The following VWA8 variants were observed in gnomAD, a reference collection of about 807,000 sequenced individuals.
The protein encoded by VWA8 is von Willebrand factor A domain containing 8.
A neutral mutation model predicts 241.5 loss-of-function variants in VWA8; 221 were observed. That is an observed-to-expected ratio of 0.91 (90% CI 0.82 to 1.02). The LOEUF is 1.02. Among genes scored for constraint, VWA8 ranks in the 50% least tolerant of loss-of-function variants. The probability of loss-of-function intolerance (pLI) is 0.00; values close to 1 mark genes in which losing one functional copy is unlikely to be tolerated. For missense variants in VWA8, 2,322 were observed against 2,328.7 expected (o/e 1.00, Z 0.06); for synonymous variants, 852 against 827.1 (o/e 1.03, Z -0.52).
At chr13:41,631,405 A>C (rs1182372308) in intron 37 of VWA8, among the ~76,000 whole-genome samples, 1 of 151,904 alleles carries the variant, frequency 6.6e-6, no homozygotes, top group Non-Finnish European at 1.5e-5. Flanking sequence ...CCTCAGCTTG[A>C]CTTTGACCCC....
At position 41,907,571 on chromosome 13, in the gene VWA8, T is replaced by C. The variant is rs1204926738; in HGVS notation, c.483+15A>G. On this transcript the variant is annotated intron_variant, in intron 4 of 44. Coordinates refer to ENST00000379310, the MANE Select transcript of VWA8 (RefSeq NM_015058.2). ...TGGAGTACACAGTCATGGGCTAGAG[T>C]GTGACAGAACTTGCCTGATCAATGT... 6.2e-7 allele frequency: 1 copy of C among 1,610,384 alleles called. No homozygotes were observed. The highest frequency in any genetic ancestry group is 1.7e-5 in the Admixed American group (1 of 60,008).
intron 4 of VWA8, among the ~76,000 whole-genome samples, chr13:41,903,160 A>G (rs1875538955): frequency 2.0e-5 from 3 of 152,370 alleles, no homozygotes; most frequent in South Asian, 4.1e-4. Context: ...TCATCTATCT[A>G]GAATTCAAAT....
chr13:41,602,973 C>T lies in VWA8; in HGVS notation c.4986+2195G>A, dbSNP rs543065576. Among the ~76,000 whole-genome samples the T allele has an allele frequency of 7.9e-5, 12 of 152,218 alleles. No homozygotes were observed. The East Asian group carries it at 1.9e-3, about 25-fold the overall frequency. The stretch of plus-strand genomic sequence containing the variant: ...TCAAGGATTAAATTGCTTTTATCTT[C>T]TTTCCTATATCTTAAAACTCTTTCT... On this transcript the variant is annotated intron_variant, in intron 40 of 44. Transcript: ENST00000379310.
chr13:41,829,926 T>C (rs1871357309), intron 14 of VWA8, among the ~76,000 whole-genome samples: 1 of 151,974 alleles, frequency 6.6e-6, no homozygotes, highest in African/African-American at 2.4e-5. Context: ...CCAAAAACTA[T>C]TGAAATAAAA....
intron 34 of VWA8, 98 bp from the exon 35 acceptor site, chr13:41,685,340 T>C (rs1323271533): frequency 8.9e-7 from 1 of 1,123,460 alleles, no homozygotes. Context: ...AGTGGGAAAC[T>C]AATGTTTCAC....
chr13:41,857,095 T>G lies in VWA8; in HGVS notation c.1425+8641A>C, dbSNP rs572967990. On this transcript the variant is annotated intron_variant, in intron 12 of 44. Coordinates refer to ENST00000379310, the MANE Select transcript of VWA8 (RefSeq NM_015058.2). ...TATCAAGAGGCTTTCAATTCTCTTT[T>G]GAAGCTGGAAAATACGGATAACAAA... is the stretch of plus-strand genomic sequence containing the variant. Among the ~76,000 whole-genome samples, 12 of 152,312 alleles carry G rather than the reference T, an allele frequency of 7.9e-5. No individual in the cohort carries two copies. The East Asian group carries it at 2.3e-3, about 29-fold the overall frequency.
chr13:41,791,303 T>C (rs1445268305), intron 17 of VWA8, among the ~76,000 whole-genome samples: 5 of 151,764 alleles, frequency 3.3e-5, no homozygotes, highest in African/African-American at 1.2e-4. Flanking sequence ...GGTCATGGAG[T>C]GATTACAAAA....
At chr13:41,874,891 C>A (rs960418028) in intron 9 of VWA8, among the ~76,000 whole-genome samples, 1 of 152,056 alleles carries the variant, frequency 6.6e-6, no homozygotes, top group Non-Finnish European at 1.5e-5. Context: ...AATCTGAGCC[C>A]ATTTACCACC....
chr13:41,732,283 C>CA (rs538704604), intron 21 of VWA8, 128 bp from the exon 22 acceptor site: 9,468 of 547,218 alleles, frequency 0.017, no homozygotes, highest in South Asian at 0.02. Flanking sequence ...CTTCCCCCAC[C>CA]AAAAAAAAAC....
chr13:41,818,529 C>T (rs1358765998), intron 15 of VWA8, among the ~76,000 whole-genome samples: 3 of 151,986 alleles, frequency 2.0e-5, no homozygotes, highest in African/African-American at 7.2e-5. Context: ...GATCACACCA[C>T]TCCAGCGTGG....
intron 37 of VWA8, among the ~76,000 whole-genome samples, chr13:41,630,819 C>T (rs2044721387): frequency 1.3e-5 from 2 of 152,174 alleles, no homozygotes; most frequent in South Asian, 4.2e-4. Context: ...ATACATATAG[C>T]CTTGTACATA....
chr13:41,709,413 C>T (rs1041743503), intron 26 of VWA8, among the ~76,000 whole-genome samples: 12 of 152,156 alleles, frequency 7.9e-5, no homozygotes, highest in African/African-American at 2.4e-5. Flanking sequence ...TTAGGTTCAC[C>T]GCCTTTCAGT....
rs186140625 is a variant in VWA8, at chr13:41,704,015, C to T, written c.3117-604G>A. ...CCTCAGGTGATCTGCCCGCCTTGGC[C>T]TCCCAAAGTGCTGGGATTACAGGCA... On this transcript the variant is annotated intron_variant, in intron 26 of 44. Transcript: ENST00000379310. Among the ~76,000 whole-genome samples the T allele has an allele frequency of 2.9e-3, 436 of 152,154 alleles. 3 individuals carry two copies. Among genetic ancestry groups the T allele is most frequent in the African/African-American group, 0.01 (419 of 41,500 alleles).
intron 9 of VWA8, among the ~76,000 whole-genome samples, chr13:41,872,034 A>C (rs1421830157): frequency 6.6e-6 from 1 of 152,106 alleles, no homozygotes; most frequent in Non-Finnish European, 1.5e-5. Flanking sequence ...TGTGGTTTTG[A>C]TCTGCATTTC....
intron 22 of VWA8, among the ~76,000 whole-genome samples, chr13:41,729,954 C>T (rs1161417254): frequency 6.6e-6 from 1 of 151,842 alleles, no homozygotes; most frequent in African/African-American, 2.4e-5. Flanking sequence ...TAAAATTATT[C>T]CCATGGTAGT....
At position 41,829,160 on chromosome 13, in the gene VWA8, A is replaced by G. The variant is rs181830353; in HGVS notation, c.1700+1369T>C. Among the ~76,000 whole-genome samples, 639 of 152,308 alleles carry G rather than the reference A, an allele frequency of 4.2e-3. 3 individuals carry two copies. Among genetic ancestry groups the G allele is most frequent in the African/African-American group, 0.015 (606 of 41,566 alleles). On this transcript the variant is annotated intron_variant, in intron 14 of 44. Transcript: ENST00000379310. ...ATAAAACATTTAAATGCTTATTTAA[A>G]AGTAAGGCTGAAAAGAAAAACCACA...
intron 32 of VWA8, 85 bp downstream of exon 32, chr13:41,691,235 A>G: frequency 1.4e-6 from 2 of 1,473,066 alleles, no homozygotes; most frequent in Non-Finnish European, 1.8e-6. Flanking sequence ...GACACAGGAA[A>G]GACAGAACAG....
chr13:41,665,797 C>G (rs2044981979), intron 37 of VWA8, among the ~76,000 whole-genome samples: 1 of 152,044 alleles, frequency 6.6e-6, no homozygotes, highest in Non-Finnish European at 1.5e-5. Flanking sequence ...GATATGGTAA[C>G]ACAATTATCC....
rs1419030743 is a variant in VWA8, at chr13:41,698,049, C to A, written c.3564+1022G>T. ...CTCTCTAAAATCTTTGTTTAAATAT[C>A]CCCCTTTCAATTAGACAATCCCTGC... On this transcript the variant is annotated intron_variant, in intron 29 of 44. Transcript: ENST00000379310. Among the ~76,000 whole-genome samples the A allele has an allele frequency of 2.0e-5, 3 of 152,214 alleles. No individual in the cohort carries two copies. The East Asian group carries it at 5.8e-4, about 29-fold the overall frequency.
Sources: gnomAD v4.1 joint callset for allele counts (sites outside exome capture counted in the v4.1 genomes callset) on GRCh38, gnomAD v4.1.1 for gene constraint, MANE v1.5 for transcripts, NCBI Gene and HGNC (gene_info 2026-07-23, HGNC 2026-07-21) for gene names.